PCSK5: variants seen among roughly 807,000 people sequenced by gnomAD.
PCSK5 encodes the protein proprotein convertase subtilisin/kexin type 5, also known as prohormone convertase 5.
A neutral mutation model predicts 233.2 loss-of-function variants in PCSK5; 129 were observed. That is an observed-to-expected ratio of 0.55 (90% CI 0.48 to 0.64). PCSK5 has a LOEUF of 0.64. Ranked by LOEUF, PCSK5 falls within the 30% of genes least tolerant of loss-of-function variation. The pLI, the probability that PCSK5 is intolerant of heterozygous loss-of-function variation, is 0.00. For missense variants in PCSK5, 2,076 were observed against 2,430.1 expected (o/e 0.85, Z 3.06); for synonymous variants, 825 against 879.2 (o/e 0.94, Z 1.09).
At chr9:76,073,839 G>T (rs557632140) in intron 7 of PCSK5, among the ~76,000 whole-genome samples, 2 of 152,154 alleles carry the variant, frequency 1.3e-5, no homozygotes, top group East Asian at 3.9e-4. Flanking sequence ...TTGCTGGGGA[G>T]TCTTTCATTC....
Position 76,182,637 on chromosome 9 carries a change from G to A in PCSK5, c.2197+1046G>A, listed in dbSNP as rs553732842. Among the ~76,000 whole-genome samples, 10 of 151,968 alleles carry A rather than the reference G, an allele frequency of 6.6e-5. No individual in the cohort carries two copies. In the East Asian group the frequency reaches 1.7e-3, roughly 27 times the overall value. ...AGCCATCATTAGCAAACAGACGAAG[G>A]TATATTGCCCTAGAGAATTAAATAG... On this transcript the variant is annotated intron_variant, in intron 16 of 37. Coordinates refer to ENST00000674117, the MANE Select transcript of PCSK5 (RefSeq NM_001372043.1).
intron 2 of PCSK5, among the ~76,000 whole-genome samples, chr9:75,950,644 G>T (rs1167288677): frequency 6.6e-6 from 1 of 152,164 alleles, no homozygotes; most frequent in African/African-American, 2.4e-5. Flanking sequence ...AATGCTGGGA[G>T]ATTTTGTCAC....
intron 24 of PCSK5, among the ~76,000 whole-genome samples, chr9:76,247,931 C>G (rs1369599347): frequency 1.3e-5 from 2 of 151,856 alleles, no homozygotes; most frequent in Non-Finnish European, 2.9e-5. Context: ...ATTACAGGCA[C>G]CTGCCACCAC....
chr9:76,081,353 C>CTCAAG (rs2131620242), intron 7 of PCSK5, among the ~76,000 whole-genome samples: 3 of 152,184 alleles, frequency 2.0e-5, no homozygotes, highest in African/African-American at 7.2e-5. Flanking sequence ...ACTCAGGAGG[C>CTCAAG]TGAGGCAGGA....
intron 9 of PCSK5, among the ~76,000 whole-genome samples, chr9:76,114,999 A>G (rs952236654): frequency 3.9e-5 from 6 of 152,068 alleles, no homozygotes; most frequent in African/African-American, 1.2e-4. Flanking sequence ...GATTTGATGT[A>G]TATTTTGTAG....
At chr9:75,945,392 G>C (rs902571540) in intron 2 of PCSK5, among the ~76,000 whole-genome samples, 1 of 151,814 alleles carries the variant, frequency 6.6e-6, no homozygotes, top group Non-Finnish European at 1.5e-5. Context: ...AAGAGATATT[G>C]TTGGCCCCAC....
chr9:76,099,648 CT>C (rs1407243222), intron 8 of PCSK5, among the ~76,000 whole-genome samples: 4 of 152,146 alleles, frequency 2.6e-5, no homozygotes, highest in Non-Finnish European at 5.9e-5. Flanking sequence ...CGGCTGACCC[CT>C]TTTCCTTCTA....
At chr9:76,161,444 CT>C (rs57216482) in intron 12 of PCSK5, among the ~76,000 whole-genome samples, 4,689 of 146,460 alleles carry the variant, frequency 0.032, 184 homozygotes, top group African/African-American at 0.095. Context: ...TTATTTCTTG[CT>C]TTTTTTTTTT....
At chr9:75,963,117 T>C (rs1825426534) in intron 2 of PCSK5, among the ~76,000 whole-genome samples, 1 of 152,190 alleles carries the variant, frequency 6.6e-6, no homozygotes. Context: ...CCTTTTTCTT[T>C]CTCTTTTTAA....
At chr9:75,937,290 T>C (rs111599823) in intron 2 of PCSK5, among the ~76,000 whole-genome samples, 7,161 of 152,040 alleles carry the variant, frequency 0.047, 244 homozygotes, top group African/African-American at 0.092. Context: ...GTGATTCTCC[T>C]GCCTCAGTCT....
chr9:76,269,589 T>C (rs563057845), intron 24 of PCSK5, among the ~76,000 whole-genome samples: 1 of 152,298 alleles, frequency 6.6e-6, no homozygotes, highest in Non-Finnish European at 1.5e-5. Flanking sequence ...CAAGTGGAAG[T>C]GCTTCTGTAT....
Position 76,127,918 on chromosome 9 carries a change from A to G in PCSK5, c.1209-6191A>G, listed in dbSNP as rs549217901. ...GTAAATTGTCCAGTGTTACAGAACTATCAGGTAGGAGATCATGATTCACCC... is the reference window on the plus strand; with the variant it reads ...GTAAATTGTCCAGTGTTACAGAACTGTCAGGTAGGAGATCATGATTCACCC... On this transcript the variant is annotated intron_variant, in intron 9 of 37. Coordinates refer to ENST00000674117, the MANE Select transcript of PCSK5 (RefSeq NM_001372043.1). 4.6e-5 allele frequency among the ~76,000 whole-genome samples: 7 copies of G among 152,326 alleles called. No homozygotes were observed. The South Asian group carries it at 1.4e-3, about 32-fold the overall frequency.
At chr9:76,207,564 T>C (rs1187256201) in intron 20 of PCSK5, among the ~76,000 whole-genome samples, 1 of 152,228 alleles carries the variant, frequency 6.6e-6, no homozygotes, top group East Asian at 1.9e-4. Flanking sequence ...AATATAAGGG[T>C]ATATAAGGAT....
At chr9:76,015,933 A>T (rs979417797) in intron 3 of PCSK5, among the ~76,000 whole-genome samples, 2 of 152,140 alleles carry the variant, frequency 1.3e-5, no homozygotes, top group Non-Finnish European at 2.9e-5. Context: ...TTCTCCAGCT[A>T]TACTGTCTTA....
chr9:76,075,387 A>T (rs1564011153), intron 7 of PCSK5, among the ~76,000 whole-genome samples: 2 of 152,034 alleles, frequency 1.3e-5, no homozygotes, highest in African/African-American at 4.8e-5. Flanking sequence ...GGATATGTAA[A>T]TTCAGTCTAG....
rs374388883 is a variant in PCSK5, at chr9:76,246,817, C to T, written c.3142+6133C>T. On this transcript the variant is annotated intron_variant, in intron 24 of 37. Transcript: ENST00000674117. ...ACACTGTTACATGGAAGGCAAGGCA[C>T]AAAGGTACACATAGTATGCTACTAT... Among the ~76,000 whole-genome samples the T allele has an allele frequency of 2.1e-4, 32 of 152,334 alleles. No homozygotes were observed. The South Asian group carries it at 2.3e-3, about 11-fold the overall frequency.
At chr9:76,197,880 A>G (rs1824764602) in intron 20 of PCSK5, among the ~76,000 whole-genome samples, 1 of 152,226 alleles carries the variant, frequency 6.6e-6, no homozygotes, top group Admixed American at 6.5e-5. Flanking sequence ...GACTCATGAA[A>G]TCTGAAGTTT....
intron 24 of PCSK5, among the ~76,000 whole-genome samples, chr9:76,277,823 T>A (rs1036945164): frequency 6.6e-6 from 1 of 152,222 alleles, no homozygotes; most frequent in African/African-American, 2.4e-5. Flanking sequence ...TTATGTACTT[T>A]TTAGTGTTAT....
At chr9:76,285,833 G>A (rs570808761) in intron 24 of PCSK5, among the ~76,000 whole-genome samples, 254 of 151,932 alleles carry the variant, frequency 1.7e-3, no homozygotes, top group African/African-American at 5.7e-3. Context: ...AAAAAATAAA[G>A]TTAGAAGCAT....
Sources: gnomAD v4.1 joint callset for allele counts (sites outside exome capture counted in the v4.1 genomes callset) on GRCh38, gnomAD v4.1.1 for gene constraint, MANE v1.5 for transcripts, NCBI Gene and HGNC (gene_info 2026-07-23, HGNC 2026-07-21) for gene names.